The following CCBE1 variants were observed in gnomAD, a reference collection of about 807,000 sequenced individuals.
CCBE1 encodes collagen and calcium binding EGF domains 1, also known as collagen and calcium-binding EGF domain-containing protein 1.
A neutral mutation model predicts 50.0 loss-of-function variants in CCBE1; 37 were observed. The observed-to-expected ratio is 0.74, with a 90% CI of 0.57 to 0.97. The LOEUF is 0.97. Among genes scored for constraint, CCBE1 ranks in the 50% least tolerant of loss-of-function variants. The pLI, the probability that CCBE1 is intolerant of heterozygous loss-of-function variation, is 0.00. For synonymous variants in CCBE1, 234 were observed against 203.7 expected, an observed-to-expected ratio of 1.15 and a Z score of -1.27; for missense variants, 538 against 523.8, an observed-to-expected ratio of 1.03 and a Z score of -0.26.
chr18:59,444,873 G>A (rs998040958), intron 7 of CCBE1, among the ~76,000 whole-genome samples: 4 of 151,990 alleles, frequency 2.6e-5, no homozygotes, highest in Non-Finnish European at 5.9e-5. Context: ...GTCTATTCAA[G>A]TCCTTTTCCC....
At position 59,677,856 on chromosome 18, in the gene CCBE1, G is replaced by A. The variant is rs2054527826; in HGVS notation, c.212+18773C>T. The stretch of plus-strand genomic sequence containing the variant: ...AACTTCATACAAAAGGGAGTGAGTG[G>A]GGATGGCTTTTGATTATATATGTAC... On this transcript the variant is annotated intron_variant, in intron 2 of 10. Transcript: ENST00000439986. Among the ~76,000 whole-genome samples, 4 of 152,204 alleles carry A rather than the reference G, an allele frequency of 2.6e-5. No homozygotes were observed. The South Asian group carries it at 8.3e-4, about 32-fold the overall frequency.
rs1910124069 is a variant in CCBE1, at chr18:59,435,820, G to C, written c.*88C>G. The C allele has an allele frequency of 1.8e-6, 2 of 1,111,676 alleles. No homozygotes were observed. Among genetic ancestry groups the C allele is most frequent in the Non-Finnish European group, 2.8e-6 (2 of 722,582 alleles). 68.9% of individuals were successfully genotyped at this position (1,111,676 alleles called of 1,614,324 possible). A position where few individuals can be genotyped will look rare whatever the true frequency, so the allele number is the denominator to read the frequency against. On this transcript the variant is annotated 3_prime_UTR_variant, in exon 11 of 11. Coordinates refer to ENST00000439986, the MANE Select transcript of CCBE1 (RefSeq NM_133459.4). ...GAAGAGAAAAATGTATGTTTTCTAG[G>C]TCTCCAGTGGTCTTTCTTCTCTTTA...
intron 2 of CCBE1, among the ~76,000 whole-genome samples, chr18:59,536,268 G>A (rs935658659): frequency 3.3e-5 from 5 of 152,100 alleles, no homozygotes; most frequent in Admixed American, 2.6e-4. Context: ...CCATCTGCGA[G>A]GTGCCCAGCA....
At chr18:59,607,152 G>A (rs117298334) in intron 2 of CCBE1, among the ~76,000 whole-genome samples, 1,804 of 151,958 alleles carry the variant, frequency 0.012, 20 homozygotes, top group Middle Eastern at 0.045. Context: ...CAAAGGTTGA[G>A]CCAAAAGTCC....
intron 7 of CCBE1, among the ~76,000 whole-genome samples, chr18:59,443,891 C>A (rs533406098): frequency 2.0e-5 from 3 of 152,300 alleles, no homozygotes; most frequent in African/African-American, 7.2e-5. Context: ...CGAATAACTC[C>A]CCATTTTCCA....
chr18:59,615,367 G>A (rs887189170), intron 2 of CCBE1, among the ~76,000 whole-genome samples: 2 of 152,100 alleles, frequency 1.3e-5, no homozygotes, highest in Non-Finnish European at 2.9e-5. Flanking sequence ...GCTCATTCGC[G>A]CTGCGTAATT....
At chr18:59,441,798 G>A (rs1910437595) in intron 7 of CCBE1, among the ~76,000 whole-genome samples, 1 of 152,180 alleles carries the variant, frequency 6.6e-6, no homozygotes. Context: ...TAAGTCAACA[G>A]TTACTCAAAG....
At chr18:59,506,050 A>C (rs1464629050) in intron 2 of CCBE1, among the ~76,000 whole-genome samples, 1 of 152,244 alleles carries the variant, frequency 6.6e-6, no homozygotes, top group African/African-American at 2.4e-5. Flanking sequence ...GGAACCTCAG[A>C]ATGTGGTCTT....
At chr18:59,507,123 C>T (rs559836780) in intron 2 of CCBE1, among the ~76,000 whole-genome samples, 1 of 152,310 alleles carries the variant, frequency 6.6e-6, no homozygotes, top group Non-Finnish European at 1.5e-5. Flanking sequence ...AGATACCTCA[C>T]ACTGTTCAAA....
intron 2 of CCBE1, among the ~76,000 whole-genome samples, chr18:59,577,949 A>G (rs912779405): frequency 1.3e-5 from 2 of 152,240 alleles, no homozygotes; most frequent in Admixed American, 6.5e-5. Context: ...ACAAAAGCCA[A>G]AATTGACAAA....
intron 2 of CCBE1, among the ~76,000 whole-genome samples, chr18:59,674,468 G>A (rs141940942): frequency 1.2e-4 from 19 of 152,194 alleles, no homozygotes; most frequent in East Asian, 3.9e-4. Flanking sequence ...GGGGCCTGTC[G>A]GTGGGTAGGG....
At chr18:59,656,576 C>T (rs111302644) in intron 2 of CCBE1, among the ~76,000 whole-genome samples, 6 of 152,172 alleles carry the variant, frequency 3.9e-5, no homozygotes, top group African/African-American at 1.4e-4. Context: ...AACATGAATT[C>T]CAGGTCATTA....
intron 3 of CCBE1, among the ~76,000 whole-genome samples, chr18:59,475,853 G>C (rs1323264380): frequency 6.6e-6 from 1 of 152,158 alleles, no homozygotes. Flanking sequence ...GGAGTAGCTG[G>C]AATTACAGGT....
At chr18:59,515,293 G>A (rs573788550) in intron 2 of CCBE1, among the ~76,000 whole-genome samples, 2 of 152,296 alleles carry the variant, frequency 1.3e-5, no homozygotes, top group East Asian at 3.9e-4. Flanking sequence ...AATTGTTCAG[G>A]CATAAACACA....
intron 2 of CCBE1, among the ~76,000 whole-genome samples, chr18:59,543,402 T>A (rs1915544701): frequency 6.6e-6 from 1 of 152,244 alleles, no homozygotes; most frequent in Non-Finnish European, 1.5e-5. Flanking sequence ...TAAAATTTTC[T>A]ATATGGCTAA....
chr18:59,503,555 TC>T (rs1282646050), intron 2 of CCBE1, among the ~76,000 whole-genome samples: 1 of 152,164 alleles, frequency 6.6e-6, no homozygotes, highest in African/African-American at 2.4e-5. Context: ...CCAGTCTGCC[TC>T]CCTTCTCCAT....
intron 2 of CCBE1, among the ~76,000 whole-genome samples, chr18:59,561,138 G>C (rs1428837654): frequency 3.3e-5 from 5 of 152,226 alleles, no homozygotes; most frequent in Non-Finnish European, 4.4e-5. Flanking sequence ...CAGTGTAAAT[G>C]ATAATCACCA....
chr18:59,592,104 G>A (rs182628653), intron 2 of CCBE1, among the ~76,000 whole-genome samples: 9 of 152,264 alleles, frequency 5.9e-5, no homozygotes, highest in African/African-American at 2.2e-4. Flanking sequence ...TGCACCTGTA[G>A]TTCCAGCTAC....
intron 2 of CCBE1, among the ~76,000 whole-genome samples, chr18:59,534,137 T>A (rs1915154946): frequency 6.6e-6 from 1 of 152,196 alleles, no homozygotes; most frequent in Admixed American, 6.5e-5. Flanking sequence ...TGGCTAATGA[T>A]AATGTTGGCT....
Sources: gnomAD v4.1 joint callset for allele counts (sites outside exome capture counted in the v4.1 genomes callset) on GRCh38, gnomAD v4.1.1 for gene constraint, MANE v1.5 for transcripts, NCBI Gene and HGNC (gene_info 2026-07-23, HGNC 2026-07-21) for gene names.